Variants in MRPS6 observed in about 807,000 individuals in gnomAD.
The protein encoded by MRPS6 is small ribosomal subunit protein bS6m.
A neutral mutation model predicts 13.1 loss-of-function variants in MRPS6; 6 were observed. The ratio of observed to expected loss-of-function variants is 0.46; its 90% CI spans 0.25 to 0.91. The LOEUF (loss-of-function observed/expected upper bound fraction) is 0.91. Among genes scored for constraint, MRPS6 ranks in the 40% least tolerant of loss-of-function variants. The pLI is 0.18. For synonymous variants in MRPS6, 61 were observed against 56.5 expected, an observed-to-expected ratio of 1.08 and a Z score of -0.36; for missense variants, 164 against 155.6, an observed-to-expected ratio of 1.05 and a Z score of -0.29.
At chr21:34,105,798 A>AAAAC (rs1979451499) in intron 1 of MRPS6, 1 of 994,946 alleles carries the variant, frequency 1.0e-6, no homozygotes, top group Admixed American at 6.1e-5. Context: ...ACAGTGTTTT[A>AAAAC]GTTGCAAGCA....
chr21:34,112,990 C>T (rs752295643), intron 1 of MRPS6, among the ~76,000 whole-genome samples: 1 of 151,928 alleles, frequency 6.6e-6, no homozygotes, highest in East Asian at 1.9e-4. Flanking sequence ...AACCCTGTCT[C>T]TATCAAAAAC....
Position 34,142,457 on chromosome 21 carries a change from G to A in MRPS6, c.235G>A (p.Val79Met). The A allele has an allele frequency of 6.2e-7, 1 of 1,609,466 alleles. No homozygotes were observed. The highest frequency in any genetic ancestry group is 8.5e-7 in the Non-Finnish European group (1 of 1,178,354). ...YAPTAAVESM[V>M]EHLSRDIDVI... Reference sequence around the variant, plus strand: ...ACCCACCGCAGCTGTTGAAAGCATGGTGGAGCACTTGTCTCGAGATATAGA... The same window carrying A: ...ACCCACCGCAGCTGTTGAAAGCATGATGGAGCACTTGTCTCGAGATATAGA... Residue 79 changes from valine (V) to methionine (M), a missense_variant, in exon 3 of 3, where the codon GTG becomes ATG. Physicochemically the swap from Val to Met is conservative, Grantham distance 21. Transcript: ENST00000399312.
intron 2 of MRPS6, among the ~76,000 whole-genome samples, chr21:34,140,142 C>A (rs1344890916): frequency 6.6e-6 from 1 of 151,570 alleles, no homozygotes; most frequent in African/African-American, 2.4e-5. Flanking sequence ...TCTCCTCTCT[C>A]TCTCTCTTCT....
intron 2 of MRPS6, among the ~76,000 whole-genome samples, chr21:34,131,811 A>T (rs1012031054): frequency 6.6e-6 from 1 of 152,226 alleles, no homozygotes; most frequent in Non-Finnish European, 1.5e-5. Context: ...TGTCATGGAC[A>T]GTCTCCCACA....
intron 1 of MRPS6, among the ~76,000 whole-genome samples, chr21:34,075,781 G>A (rs1185806583): frequency 6.6e-6 from 1 of 152,184 alleles, no homozygotes. Context: ...AGACTTCCAG[G>A]TTTTAGACCA....
intron 1 of MRPS6, chr21:34,104,785 G>A (rs562856763): frequency 7.0e-6 from 7 of 1,000,020 alleles, no homozygotes; most frequent in Admixed American, 6.1e-5. Flanking sequence ...ATGCAAAGCT[G>A]TTATAACCTG....
intron 1 of MRPS6, among the ~76,000 whole-genome samples, chr21:34,087,017 A>G (rs1978423777): frequency 6.6e-6 from 1 of 152,244 alleles, no homozygotes; most frequent in Non-Finnish European, 1.5e-5. Flanking sequence ...CAGTTGCAGC[A>G]GTAAAACTTG....
intron 1 of MRPS6, among the ~76,000 whole-genome samples, chr21:34,077,283 T>C (rs1018548839): frequency 4.6e-5 from 7 of 152,234 alleles, no homozygotes; most frequent in African/African-American, 1.7e-4. Flanking sequence ...AATGAAACTT[T>C]GTAGACACTT....
chr21:34,105,658 A>G, intron 1 of MRPS6: 1 of 998,866 alleles, frequency 1.0e-6, no homozygotes, highest in South Asian at 4.7e-5. Context: ...ATGTGATTAT[A>G]AATGAAGTTG....
chr21:34,131,768 G>A (rs1256337240), intron 2 of MRPS6, among the ~76,000 whole-genome samples: 1 of 152,202 alleles, frequency 6.6e-6, no homozygotes, highest in Admixed American at 6.5e-5. Context: ...TCTGTAGTTA[G>A]CAAAGCCCAG....
intron 1 of MRPS6, 126 bp from the exon 2 acceptor site, chr21:34,125,215 G>A: frequency 1.4e-6 from 2 of 1,402,842 alleles, no homozygotes; most frequent in South Asian, 3.2e-5. Context: ...AGCTTCTGTT[G>A]CTTTTACCCA....
chr21:34,106,971 G>T (rs373117778), intron 1 of MRPS6, among the ~76,000 whole-genome samples: 1 of 151,538 alleles, frequency 6.6e-6, no homozygotes, highest in Non-Finnish European at 1.5e-5. Context: ...TTGCTCTGTC[G>T]CCCAGGCTGG....
intron 1 of MRPS6, chr21:34,124,623 A>G (rs1980237770): frequency 6.6e-6 from 1 of 150,970 alleles, no homozygotes; most frequent in African/African-American, 2.4e-5. Context: ...TTGCTGGTTC[A>G]TTCATTCTTT....
intron 1 of MRPS6, among the ~76,000 whole-genome samples, chr21:34,088,163 T>C (rs1978491835): frequency 2.0e-5 from 3 of 152,220 alleles, no homozygotes; most frequent in Non-Finnish European, 4.4e-5. Flanking sequence ...ACTTAATGTT[T>C]TAAAGTTGTG....
intron 1 of MRPS6, among the ~76,000 whole-genome samples, chr21:34,080,801 G>T (rs971326262): frequency 1.3e-5 from 2 of 152,194 alleles, no homozygotes; most frequent in African/African-American, 4.8e-5. Context: ...GCCTTGAGGG[G>T]TTACTACTCT....
intron 2 of MRPS6, among the ~76,000 whole-genome samples, chr21:34,137,782 A>ATTT (rs3989178): frequency 1.4e-5 from 2 of 145,306 alleles, no homozygotes; most frequent in African/African-American, 5.0e-5. Context: ...GTTTGCTGAG[A>ATTT]TTTTTTTTTT....
At chr21:34,111,088 T>G (rs1256648802) in intron 1 of MRPS6, among the ~76,000 whole-genome samples, 3 of 152,256 alleles carry the variant, frequency 2.0e-5, no homozygotes, top group Admixed American at 6.5e-5. Context: ...TGCCTTTGTC[T>G]GCCTCAGCTG....
intron 2 of MRPS6, among the ~76,000 whole-genome samples, chr21:34,128,769 T>C (rs1980397315): frequency 6.6e-6 from 1 of 152,220 alleles, no homozygotes; most frequent in Non-Finnish European, 1.5e-5. Context: ...TCATGCGTGT[T>C]CAGCTGAGGA....
Position 34,073,642 on chromosome 21 carries a change from G to GC in MRPS6, c.-55dup, listed in dbSNP as rs1989242467. ...AGGTCCCCACTGTCCCCGCCGTCCC[G>GC]CCCCTTCGCGTCCCGGGAACCGGCT... On this transcript the variant is annotated 5_prime_UTR_variant, in exon 1 of 3. Transcript: ENST00000399312. 7 of 1,455,450 alleles carry GC rather than the reference G, an allele frequency of 4.8e-6. No homozygotes were observed. Among genetic ancestry groups the GC allele is most frequent in the Non-Finnish European group, 4.7e-6 (5 of 1,073,364 alleles). 90.2% of individuals were successfully genotyped at this position (1,455,450 alleles called of 1,614,324 possible). A position where few individuals can be genotyped will look rare whatever the true frequency, so the allele number is the denominator to read the frequency against.
Sources: gnomAD v4.1 joint callset for allele counts (sites outside exome capture counted in the v4.1 genomes callset) on GRCh38, gnomAD v4.1.1 for gene constraint, MANE v1.5 for transcripts, NCBI Gene and HGNC (gene_info 2026-07-23, HGNC 2026-07-21) for gene names.